Variants in ENOX2 observed in about 807,000 individuals in gnomAD.
ENOX2 encodes the protein ecto-NOX disulfide-thiol exchanger 2.
In ENOX2, 36 loss-of-function variants were observed where a neutral mutation model predicts 45.0. That is an observed-to-expected ratio of 0.80 (90% confidence interval 0.61 to 1.06). ENOX2 has a LOEUF of 1.06. Among genes scored for constraint, ENOX2 ranks in the 50% least tolerant of loss-of-function variants. The probability of loss-of-function intolerance (pLI) is 0.00; values close to 1 mark genes in which losing one functional copy is unlikely to be tolerated. For missense variants in ENOX2, 423 were observed against 462.5 expected (o/e 0.91, Z 0.78); for synonymous variants, 174 against 152.3 (o/e 1.14, Z -1.05).
intron 3 of ENOX2, among the ~76,000 whole-genome samples, chrX:130,754,200 A>G (rs764406621): frequency 8.9e-6 from 1 of 112,137 alleles, no homozygotes; most frequent in Admixed American, 9.4e-5. Context: ...CTAAAAATAA[A>G]AGGAAAAATA....
chrX:130,695,391 T>C (rs923899266), intron 4 of ENOX2, among the ~76,000 whole-genome samples: 1 of 111,746 alleles, frequency 8.9e-6, no homozygotes, highest in African/African-American at 3.3e-5. Flanking sequence ...ACACATTGAC[T>C]ATCTTGCTTA....
At chrX:130,869,669 T>C (rs892986777) in intron 2 of ENOX2, among the ~76,000 whole-genome samples, 3 of 112,275 alleles carry the variant, frequency 2.7e-5, no homozygotes, top group African/African-American at 9.7e-5. Flanking sequence ...TTTTCCTGAT[T>C]CAGGATTCTG....
intron 2 of ENOX2, among the ~76,000 whole-genome samples, chrX:130,835,061 C>G (rs1334062989): frequency 9.0e-6 from 1 of 110,578 alleles, no homozygotes; most frequent in Non-Finnish European, 1.9e-5. Context: ...TAAACAGAAC[C>G]AAATCAGGCT....
chrX:130,729,295 C>A (rs150554028), intron 3 of ENOX2, among the ~76,000 whole-genome samples: 4,152 of 111,805 alleles, frequency 0.037, 80 homozygotes, highest in Non-Finnish European at 0.059. Flanking sequence ...CTGGAAAAAG[C>A]TTCTGAATCC....
At chrX:130,828,154 T>C (rs924498453) in intron 2 of ENOX2, among the ~76,000 whole-genome samples, 39 of 111,668 alleles carry the variant, frequency 3.5e-4, no homozygotes, top group African/African-American at 1.1e-3. Context: ...GCAAGAAAAA[T>C]AGATATGAGC....
chrX:130,746,912 A>T (rs1360902493), intron 3 of ENOX2, among the ~76,000 whole-genome samples: 1 of 112,550 alleles, frequency 8.9e-6, no homozygotes. Flanking sequence ...GTCAGAGATG[A>T]GTAAACGTTT....
chrX:130,629,053 A>G (rs1275517087), intron 13 of ENOX2, among the ~76,000 whole-genome samples: 7 of 111,845 alleles, frequency 6.3e-5, no homozygotes, highest in Admixed American at 1.9e-4. Context: ...GCTGACAAAG[A>G]CTAGCACAGG....
chrX:130,734,265 GAGT>G (rs373591550), intron 3 of ENOX2, among the ~76,000 whole-genome samples: 101 of 112,130 alleles, frequency 9.0e-4, no homozygotes, highest in African/African-American at 3.0e-3. Context: ...CTCTGGGTTA[GAGT>G]CAGAACTACT....
chrX:130,709,243 C>A lies in ENOX2; in HGVS notation c.-38-5989G>T. On this transcript the variant is annotated intron_variant, in intron 3 of 14. Coordinates refer to ENST00000394363, the MANE Select transcript of ENOX2 (RefSeq NM_006375.4). ...AGCAACTGTACAAAGTGGGGCTTAC[C>A]TGCATAGCCTATTTCGTAGACCCAC... 2.5e-6 allele frequency: 3 copies of A among 1,205,079 alleles called. No individual in the cohort carries two copies. The highest frequency in any genetic ancestry group is 1.7e-5 in the African/African-American group (1 of 57,607).
intron 2 of ENOX2, among the ~76,000 whole-genome samples, chrX:130,811,225 A>AGGCCCATCCCAGCATCTGGCT (rs1304965255): frequency 9.0e-6 from 1 of 111,516 alleles, no homozygotes; most frequent in Non-Finnish European, 1.9e-5. Flanking sequence ...CCCAGATGCC[A>AGGCCCATCCCAGCATCTGGCT]GGCCCATCCC....
Position 130,844,186 on chromosome X carries a change from T to C in ENOX2, c.-183+57498A>G, listed in dbSNP as rs574553779. Among the ~76,000 whole-genome samples the C allele has an allele frequency of 1.7e-4, 19 of 111,861 alleles. No individual in the cohort carries two copies. In the South Asian group the frequency reaches 7.2e-3, roughly 42 times the overall value. On this transcript the variant is annotated intron_variant, in intron 2 of 14. Transcript: ENST00000394363. ...TGTACAACTAAGAAAAAGTTCTGTA[T>C]AATCTCTTATGGCTTGGCAATTCTG...
intron 2 of ENOX2, among the ~76,000 whole-genome samples, chrX:130,815,560 T>C (rs1274820774): frequency 8.9e-6 from 1 of 112,165 alleles, no homozygotes; most frequent in Non-Finnish European, 1.9e-5. Flanking sequence ...CTGCAGAAGC[T>C]CTATAAGCCA....
chrX:130,760,645 G>A (rs781555933), intron 3 of ENOX2, among the ~76,000 whole-genome samples: 2 of 107,089 alleles, frequency 1.9e-5, no homozygotes, highest in East Asian at 2.9e-4. Flanking sequence ...AATTAGCCAG[G>A]CGTGGTGGTG....
intron 3 of ENOX2, among the ~76,000 whole-genome samples, chrX:130,706,710 G>C (rs900440461): frequency 1.8e-5 from 2 of 111,988 alleles, no homozygotes; most frequent in Admixed American, 9.4e-5. Context: ...ACAATAAGCA[G>C]TCTATACAAT....
intron 10 of ENOX2, among the ~76,000 whole-genome samples, chrX:130,647,590 G>T (rs2036271230): frequency 8.9e-6 from 1 of 112,306 alleles, no homozygotes; most frequent in Non-Finnish European, 1.9e-5. Flanking sequence ...CTAAGATCAA[G>T]ACATCATTCC....
At chrX:130,752,623 CTCTT>C (rs1199385576) in intron 3 of ENOX2, among the ~76,000 whole-genome samples, 2 of 110,762 alleles carry the variant, frequency 1.8e-5, no homozygotes, top group African/African-American at 3.3e-5. Context: ...TTCTTTTTGC[CTCTT>C]TCTGTTTCTC....
intron 3 of ENOX2, among the ~76,000 whole-genome samples, chrX:130,751,036 CCT>C (rs1389168127): frequency 9.0e-6 from 1 of 111,516 alleles, no homozygotes; most frequent in Non-Finnish European, 1.9e-5. Context: ...AGGCTGTTTT[CCT>C]CTCTCTCTTT....
chrX:130,805,266 G>C (rs1380137996), intron 2 of ENOX2, among the ~76,000 whole-genome samples: 1 of 112,063 alleles, frequency 8.9e-6, no homozygotes, highest in Non-Finnish European at 1.9e-5. Flanking sequence ...CATATTTTCA[G>C]AAATGTTCTT....
chrX:130,724,757 G>A (rs1455808532), intron 3 of ENOX2, among the ~76,000 whole-genome samples: 3 of 111,862 alleles, frequency 2.7e-5, no homozygotes, highest in Non-Finnish European at 5.6e-5. Context: ...GTGTTACCTG[G>A]GTTAAGATGT....
Sources: allele counts gnomAD v4.1 joint callset (sites outside exome capture counted in the v4.1 genomes callset), GRCh38; gene constraint gnomAD v4.1.1; transcripts MANE v1.5; gene names NCBI Gene and HGNC (gene_info 2026-07-23, HGNC 2026-07-21).